SYK: variants seen among roughly 807,000 people sequenced by gnomAD.
SYK encodes the protein spleen associated tyrosine kinase, also known as tyrosine-protein kinase SYK.
SYK carries 16 observed loss-of-function variants against 77.8 expected under a neutral mutation model. That is an observed-to-expected ratio of 0.21 (90% confidence interval 0.14 to 0.31). The LOEUF (loss-of-function observed/expected upper bound fraction) is 0.31. Among genes scored for constraint, SYK ranks in the 10% least tolerant of loss-of-function variants. The pLI is 1.00. For synonymous variants in SYK, 312 were observed against 308.7 expected (o/e 1.01, Z -0.11); for missense variants, 529 against 814.4 (o/e 0.65, Z 4.26).
intron 1 of SYK, among the ~76,000 whole-genome samples, chr9:90,805,606 A>T (rs1824797434): frequency 6.6e-6 from 1 of 152,222 alleles, no homozygotes; most frequent in South Asian, 2.1e-4. Context: ...TAGCATTTGA[A>T]TGTTCAACAT....
At chr9:90,852,102 A>C (rs1036314400) in intron 3 of SYK, among the ~76,000 whole-genome samples, 1 of 152,180 alleles carries the variant, frequency 6.6e-6, no homozygotes, top group Non-Finnish European at 1.5e-5. Context: ...TTAATAATAT[A>C]TTTGTCTATA....
intron 5 of SYK, 135 bp downstream of exon 5, chr9:90,864,802 C>T: frequency 1.3e-6 from 1 of 776,078 alleles, no homozygotes; most frequent in Non-Finnish European, 2.1e-6. Flanking sequence ...GATATCAGAG[C>T]ACTCCGATTT....
intron 3 of SYK, among the ~76,000 whole-genome samples, chr9:90,849,228 A>G (rs1267237925): frequency 6.6e-6 from 1 of 152,204 alleles, no homozygotes; most frequent in African/African-American, 2.4e-5. Context: ...CTGTACATAT[A>G]CTTGCAAACC....
intron 1 of SYK, among the ~76,000 whole-genome samples, chr9:90,810,127 C>T (rs773658302): frequency 2.6e-5 from 4 of 152,068 alleles, no homozygotes; most frequent in African/African-American, 4.8e-5. Flanking sequence ...AGTATCAGTC[C>T]GATCAGGCTT....
intron 1 of SYK, among the ~76,000 whole-genome samples, chr9:90,818,038 C>G (rs1825360730): frequency 6.6e-6 from 1 of 152,248 alleles, no homozygotes; most frequent in Non-Finnish European, 1.5e-5. Context: ...TCCTTCCACT[C>G]TGCAGGCCTT....
chr9:90,868,152 C>T (rs1827588976), intron 7 of SYK, among the ~76,000 whole-genome samples: 1 of 152,154 alleles, frequency 6.6e-6, no homozygotes. Context: ...AGTTCTCAAT[C>T]GTGTTGACCA....
chr9:90,842,003 A>T (rs1826377658), intron 1 of SYK, among the ~76,000 whole-genome samples: 1 of 116,602 alleles, frequency 8.6e-6, no homozygotes, highest in South Asian at 2.8e-4. Context: ...TTGTGTGTGC[A>T]GTGTGTGATA....
chr9:90,844,385 A>G lies in SYK; in HGVS notation c.417+70A>G, dbSNP rs528230417. 1.5e-5 allele frequency: 22 copies of G among 1,430,750 alleles called. No homozygotes were observed. The African/African-American group carries it at 3.0e-4, about 20-fold the overall frequency. 88.6% of individuals were successfully genotyped at this position (1,430,750 alleles called of 1,614,324 possible). A position where few individuals can be genotyped will look rare whatever the true frequency, so the allele number is the denominator to read the frequency against. ...GACCCCACACAGACTTCCTGGCTAC[A>G]TGCAACACATGTGCCTATGTGCCCT... On this transcript the variant is annotated intron_variant, in intron 2 of 13. Coordinates refer to ENST00000375754, the MANE Select transcript of SYK (RefSeq NM_003177.7).
At chr9:90,894,523 T>A (rs1407280772) in intron 13 of SYK, among the ~76,000 whole-genome samples, 2 of 152,222 alleles carry the variant, frequency 1.3e-5, no homozygotes, top group Non-Finnish European at 2.9e-5. Context: ...GATGAGTGAG[T>A]CTTGGTCCTG....
chr9:90,879,740 T>C (rs185001742), intron 11 of SYK, among the ~76,000 whole-genome samples: 1 of 152,322 alleles, frequency 6.6e-6, no homozygotes, highest in African/African-American at 2.4e-5. Context: ...CTTGGTTTGG[T>C]GAGGCAGAGA....
At chr9:90,872,749 G>C (rs1033909598) in intron 7 of SYK, among the ~76,000 whole-genome samples, 19 of 152,232 alleles carry the variant, frequency 1.2e-4, no homozygotes, top group African/African-American at 4.1e-4. Context: ...GTTTTTAGAA[G>C]TGATTTTCAT....
At chr9:90,862,938 G>T (rs1219718132) in intron 4 of SYK, among the ~76,000 whole-genome samples, 1 of 152,138 alleles carries the variant, frequency 6.6e-6, no homozygotes, top group Non-Finnish European at 1.5e-5. Context: ...AATTTAGGAA[G>T]CATACTCCCT....
chr9:90,895,804 T>C lies in SYK; in HGVS notation c.*204T>C. The C allele has an allele frequency of 1.8e-6, 1 of 547,504 alleles. No homozygotes were observed. Among genetic ancestry groups the C allele is most frequent in the East Asian group, 2.9e-5 (1 of 34,348 alleles). 33.9% of individuals were successfully genotyped at this position (547,504 alleles called of 1,614,324 possible). A position where few individuals can be genotyped will look rare whatever the true frequency, so the allele number is the denominator to read the frequency against. On this transcript the variant is annotated 3_prime_UTR_variant, in exon 14 of 14. Coordinates refer to ENST00000375754, the MANE Select transcript of SYK (RefSeq NM_003177.7). This position sits in a 1 kb window ranked among gnomAD's most constrained non-coding sequence, Gnocchi z 4.4. Reference sequence around the variant, plus strand: ...AGGCAGTCCCGGGAGAAAAGACGGATGGCAGGATCCAAGGGGCTAGCTGGA... The same window carrying C: ...AGGCAGTCCCGGGAGAAAAGACGGACGGCAGGATCCAAGGGGCTAGCTGGA...
intron 3 of SYK, among the ~76,000 whole-genome samples, chr9:90,853,482 C>G (rs959460622): frequency 6.6e-6 from 1 of 151,884 alleles, no homozygotes; most frequent in Non-Finnish European, 1.5e-5. Context: ...AGATGTCCAA[C>G]AATGATAGAC....
intron 1 of SYK, among the ~76,000 whole-genome samples, chr9:90,818,386 C>T (rs1825375681): frequency 6.6e-6 from 1 of 152,236 alleles, no homozygotes; most frequent in African/African-American, 2.4e-5. Flanking sequence ...CTTCCACCAG[C>T]CTCTCTGATG....
intron 13 of SYK, among the ~76,000 whole-genome samples, chr9:90,889,598 A>G (rs1378853098): frequency 2.6e-5 from 4 of 152,210 alleles, no homozygotes; most frequent in African/African-American, 4.8e-5. Flanking sequence ...AAATAATCTC[A>G]TTCTGTATCT....
At chr9:90,828,975 G>T (rs189473246) in intron 1 of SYK, among the ~76,000 whole-genome samples, 1 of 152,278 alleles carries the variant, frequency 6.6e-6, no homozygotes, top group African/African-American at 2.4e-5. Flanking sequence ...GAGGTTCTCA[G>T]ACATTAGAGT....
chr9:90,885,681 A>G (rs1393941391), intron 11 of SYK, among the ~76,000 whole-genome samples: 2 of 152,218 alleles, frequency 1.3e-5, no homozygotes, highest in African/African-American at 4.8e-5. Flanking sequence ...CAGGAGGCCC[A>G]AAGGTCCCCA....
At chr9:90,868,261 A>G (rs1480204694) in intron 7 of SYK, among the ~76,000 whole-genome samples, 3 of 152,250 alleles carry the variant, frequency 2.0e-5, no homozygotes, top group Non-Finnish European at 2.9e-5. Context: ...TACCCAAGGC[A>G]AAACACCCCC....
Sources: allele counts gnomAD v4.1 joint callset (sites outside exome capture counted in the v4.1 genomes callset), GRCh38; gene constraint gnomAD v4.1.1; non-coding constraint Gnocchi (gnomAD v3.1); transcripts MANE v1.5; gene names NCBI Gene and HGNC (gene_info 2026-07-23, HGNC 2026-07-21).